KIRREL3: variants seen among roughly 807,000 people sequenced by gnomAD.
KIRREL3 encodes the protein kin of IRRE-like protein 3.
Under a neutral mutation model 89.7 loss-of-function variants are expected in KIRREL3, and 36 were observed. The observed-to-expected ratio is 0.40, with a 90% CI of 0.31 to 0.53. The LOEUF (loss-of-function observed/expected upper bound fraction) is 0.53, where lower values mean the gene tolerates loss of function less well. KIRREL3 is among the 20% of genes least tolerant of loss of function. KIRREL3 has a pLI of 0.49. For synonymous variants in KIRREL3, 445 were observed against 441.4 expected (o/e 1.01, Z -0.10); for missense variants, 864 against 1,056.6 (o/e 0.82, Z 2.53).
intron 1 of KIRREL3, among the ~76,000 whole-genome samples, chr11:126,863,395 G>GTGTGTT (rs879772494): frequency 0.37 from 32,557 of 88,424 alleles, 4,676 homozygotes; most frequent in East Asian, 0.56. Context: ...GAGTGCGTGT[G>GTGTGTT]TGAGTGCGTG....
At chr11:126,692,422 G>A (rs558428227) in intron 1 of KIRREL3, among the ~76,000 whole-genome samples, 81 of 151,932 alleles carry the variant, frequency 5.3e-4, no homozygotes, top group African/African-American at 2.0e-3. Context: ...GCACACACCT[G>A]TAGTCTCAGC....
intron 1 of KIRREL3, among the ~76,000 whole-genome samples, chr11:126,881,833 C>A (rs1945511792): frequency 6.6e-6 from 1 of 152,132 alleles, no homozygotes; most frequent in Non-Finnish European, 1.5e-5. Context: ...TAGATGTGAG[C>A]CACTGAGCCC....
rs1294001323 is a variant in KIRREL3 at position 127,000,667 on chromosome 11, GC to G, written c.-159del. ...CTCCGGGTGGCTTCGGTCTCTTTGTGCCTCTGGGTATCTGCAGCCAGCCGAC... is the reference window on the plus strand; with the variant it reads ...CTCCGGGTGGCTTCGGTCTCTTTGTGCTCTGGGTATCTGCAGCCAGCCGAC... On this transcript the variant is annotated 5_prime_UTR_variant, in exon 1 of 17. Coordinates refer to ENST00000525144, the MANE Select transcript of KIRREL3 (RefSeq NM_032531.4). The surrounding 1 kb of genome is among the most constrained non-coding windows in gnomAD (Gnocchi z 7.1). 8 of 620,758 alleles carry G rather than the reference GC, an allele frequency of 1.3e-5. No individual in the cohort carries two copies. The African/African-American group carries it at 1.5e-4, about 12-fold the overall frequency. The allele number at this position is 620,758 out of a possible 1,614,324, so 38.5% of individuals were successfully genotyped here. A position where few individuals can be genotyped will look rare whatever the true frequency, so the allele number is the denominator to read the frequency against.
Position 126,946,061 on chromosome 11 carries a change from G to A in KIRREL3, c.55+54394C>T, listed in dbSNP as rs1444849163. Among the ~76,000 whole-genome samples, 2 of 152,146 alleles carry A rather than the reference G, an allele frequency of 1.3e-5. No homozygotes were observed. Among genetic ancestry groups the A allele is most frequent in the Admixed American group, 6.5e-5 (1 of 15,280 alleles). ...TAAAATCTCAGAGACTGAGCTGGGTGTTTTAGAAATTCAGGTAGTCACAAA... is the reference window on the plus strand; with the variant it reads ...TAAAATCTCAGAGACTGAGCTGGGTATTTTAGAAATTCAGGTAGTCACAAA... On this transcript the variant is annotated intron_variant, in intron 1 of 16. Coordinates refer to ENST00000525144, the MANE Select transcript of KIRREL3 (RefSeq NM_032531.4). The surrounding 1 kb of genome is among the most constrained non-coding windows in gnomAD (Gnocchi z 4.1).
At chr11:126,721,164 G>T (rs988602597) in intron 1 of KIRREL3, among the ~76,000 whole-genome samples, 3 of 152,170 alleles carry the variant, frequency 2.0e-5, no homozygotes, top group African/African-American at 7.2e-5. Flanking sequence ...AAATTCTGGT[G>T]CTCATTCGCT....
intron 1 of KIRREL3, among the ~76,000 whole-genome samples, chr11:126,662,166 G>A (rs1056678308): frequency 7.2e-5 from 11 of 152,160 alleles, no homozygotes; most frequent in Admixed American, 1.3e-4. Flanking sequence ...TGTTTCTATC[G>A]CTAGTCACAG....
chr11:126,840,163 A>G (rs904171629), intron 1 of KIRREL3, among the ~76,000 whole-genome samples: 6 of 152,218 alleles, frequency 3.9e-5, no homozygotes, highest in Non-Finnish European at 7.3e-5. Context: ...GTTTGAGCAC[A>G]GAGTTATTAT....
chr11:126,978,217 C>G lies in KIRREL3; in HGVS notation c.55+22238G>C, dbSNP rs912432432. 2.0e-5 allele frequency among the ~76,000 whole-genome samples: 3 copies of G among 152,184 alleles called. No individual in the cohort carries two copies. Among genetic ancestry groups the G allele is most frequent in the Non-Finnish European group, 4.4e-5 (3 of 68,040 alleles). On this transcript the variant is annotated intron_variant, in intron 1 of 16. Transcript: ENST00000525144. This position sits in a 1 kb window ranked among gnomAD's most constrained non-coding sequence, Gnocchi z 4.2. ...TTCTTTCAGGGTTGCTTCTGCCCTT[C>G]CTCTTCTCCAACATTTTCTTTGAAA...
intron 5 of KIRREL3, among the ~76,000 whole-genome samples, chr11:126,467,695 T>C (rs1591590081): frequency 6.6e-6 from 1 of 151,728 alleles, no homozygotes; most frequent in East Asian, 1.9e-4. Context: ...GGGCTCCCCA[T>C]GGGCTGGTTG....
At chr11:126,493,187 A>G (rs1396929947) in intron 4 of KIRREL3, among the ~76,000 whole-genome samples, 1 of 152,202 alleles carries the variant, frequency 6.6e-6, no homozygotes, top group African/African-American at 2.4e-5. Flanking sequence ...AGTGGGGACC[A>G]CAGGCATTGA....
Position 126,525,891 on chromosome 11 carries a change from C to G in KIRREL3, c.283+647G>C, listed in dbSNP as rs1958735568. On this transcript the variant is annotated intron_variant, in intron 3 of 16. Transcript: ENST00000525144. This position sits in a 1 kb window ranked among gnomAD's most constrained non-coding sequence, Gnocchi z 5.4. ...TGGGATCACTATTCACAATAGTTAACAAATGATCTGTTGTCAGCACTGGCC... is the reference window on the plus strand; with the variant it reads ...TGGGATCACTATTCACAATAGTTAAGAAATGATCTGTTGTCAGCACTGGCC... Among the ~76,000 whole-genome samples, 1 of 152,138 alleles carries G rather than the reference C, an allele frequency of 6.6e-6. No homozygotes were observed. Among genetic ancestry groups the G allele is most frequent in the African/African-American group, 2.4e-5 (1 of 41,420 alleles).
chr11:126,447,370 C>T (rs1955860077), intron 8 of KIRREL3, among the ~76,000 whole-genome samples: 1 of 152,226 alleles, frequency 6.6e-6, no homozygotes, highest in African/African-American at 2.4e-5. Context: ...CCTCAGCCTT[C>T]ATGACCTGGA....
chr11:126,952,982 G>A (rs1263088711), intron 1 of KIRREL3, among the ~76,000 whole-genome samples: 2 of 152,022 alleles, frequency 1.3e-5, no homozygotes, highest in Non-Finnish European at 2.9e-5. Context: ...CCCATTACTG[G>A]GTATATACCC....
chr11:126,771,256 T>G lies in KIRREL3; in HGVS notation c.56-208344A>C, dbSNP rs1211893097. Among the ~76,000 whole-genome samples, 2 of 111,220 alleles carry G rather than the reference T, an allele frequency of 1.8e-5. No homozygotes were observed. The highest frequency in any genetic ancestry group is 8.7e-5 in the African/African-American group (2 of 22,974). The allele number at this position is 111,220 out of a possible 152,430, so 73.0% of individuals were successfully genotyped here. ...GGAAGGGAATTTTATTCCCTTACTGTTTTTTTTTTTAAACAGATGAGGAAA... is the reference window on the plus strand; with the variant it reads ...GGAAGGGAATTTTATTCCCTTACTGGTTTTTTTTTTAAACAGATGAGGAAA... On this transcript the variant is annotated intron_variant, in intron 1 of 16. Coordinates refer to ENST00000525144, the MANE Select transcript of KIRREL3 (RefSeq NM_032531.4). The surrounding 1 kb of genome is among the most constrained non-coding windows in gnomAD (Gnocchi z 4.4).
intron 1 of KIRREL3, among the ~76,000 whole-genome samples, chr11:126,847,260 T>G (rs1221614258): frequency 6.6e-6 from 1 of 152,200 alleles, no homozygotes; most frequent in Non-Finnish European, 1.5e-5. Flanking sequence ...GTTCCAAAAT[T>G]ATGTGTAACT....
chr11:126,680,206 T>G (rs1946385328), intron 1 of KIRREL3, among the ~76,000 whole-genome samples: 1 of 152,168 alleles, frequency 6.6e-6, no homozygotes, highest in Admixed American at 6.5e-5. Context: ...TCGGTTGCTT[T>G]CATGACCAGT....
rs373575915 is a variant in KIRREL3, at chr11:126,450,191, ATG to A, written c.849-1036_849-1035del. On this transcript the variant is annotated intron_variant, in intron 7 of 16. Coordinates refer to ENST00000525144, the MANE Select transcript of KIRREL3 (RefSeq NM_032531.4). ...TGTGTATACACATGTATGTGTGTGCATGTGTGTTCATGTGAATGTGTGCATGT... is the reference window on the plus strand; with the variant it reads ...TGTGTATACACATGTATGTGTGTGCATGTGTTCATGTGAATGTGTGCATGT... Among the ~76,000 whole-genome samples, 32 of 152,290 alleles carry A rather than the reference ATG, an allele frequency of 2.1e-4. 1 individual carries two copies. Among genetic ancestry groups the A allele is most frequent in the South Asian group, 1.4e-3 (7 of 4,834 alleles).
chr11:126,878,218 C>T (rs1350657724), intron 1 of KIRREL3, among the ~76,000 whole-genome samples: 1 of 152,170 alleles, frequency 6.6e-6, no homozygotes, highest in Admixed American at 6.5e-5. Flanking sequence ...CCCTGTAGGA[C>T]ATTTAAACTT....
rs762118144 is a variant in KIRREL3, at chr11:126,903,734, C to T, written c.55+96721G>A. Among the ~76,000 whole-genome samples, 7 of 152,204 alleles carry T rather than the reference C, an allele frequency of 4.6e-5. No homozygotes were observed. The highest frequency in any genetic ancestry group is 7.3e-5 in the Non-Finnish European group (5 of 68,044). On this transcript the variant is annotated intron_variant, in intron 1 of 16. Transcript: ENST00000525144. The surrounding 1 kb of genome is among the most constrained non-coding windows in gnomAD (Gnocchi z 4.5). ...AAAATGAGATATGTTGGGCCACCAA[C>T]GCTTTCTGTAATCACCTTAATAGGT...
Sources: gnomAD v4.1 joint callset for allele counts (sites outside exome capture counted in the v4.1 genomes callset) on GRCh38, gnomAD v4.1.1 for gene constraint, Gnocchi (gnomAD v3.1) non-coding constraint, MANE v1.5 for transcripts, NCBI Gene and HGNC (gene_info 2026-07-23, HGNC 2026-07-21) for gene names.